NPHP4: variants seen among roughly 807,000 people sequenced by gnomAD.
NPHP4 encodes the protein nephrocystin-4.
In NPHP4, 151 loss-of-function variants were observed where a neutral mutation model predicts 155.8. The observed-to-expected ratio is 0.97, with a 90% CI of 0.85 to 1.11. The LOEUF (loss-of-function observed/expected upper bound fraction) is 1.11. NPHP4 is among the 50% of genes least tolerant of loss of function. The pLI, the probability that NPHP4 is intolerant of heterozygous loss-of-function variation, is 0.00. For missense variants in NPHP4, 1,956 were observed against 1,925.7 expected (o/e 1.02, Z -0.29); for synonymous variants, 845 against 816.8 (o/e 1.03, Z -0.59).
At position 5,887,304 on chromosome 1, in the gene NPHP4, G is replaced by C; in HGVS notation, c.2467C>G (p.Leu823Val). ...CTCTTACCCACGTTGGCCAAAGTCA[G>C]GTGCAGCCGGCCCTTCACCACCGAG... ...VHSVVKGRLH[L>V]TLANVGHPCE... Residue 823 changes from leucine to valine, a missense_variant, in exon 18 of 30, where the codon CTG (leucine) becomes GTG (valine). Physicochemically the swap from Leu to Val is conservative, Grantham distance 32. Coordinates refer to ENST00000378156, the MANE Select transcript of NPHP4 (RefSeq NM_015102.5). 6.2e-7 allele frequency: 1 copy of C among 1,613,180 alleles called. No homozygotes were observed. Among genetic ancestry groups the C allele is most frequent in the South Asian group, 1.1e-5 (1 of 91,022 alleles).
At position 5,874,456 on chromosome 1, in the gene NPHP4, G is replaced by T; in HGVS notation, c.3231+15C>A. 8 of 1,508,444 alleles carry T rather than the reference G, an allele frequency of 5.3e-6. No individual in the cohort carries two copies. Among genetic ancestry groups the T allele is most frequent in the Non-Finnish European group, 6.2e-6 (7 of 1,125,156 alleles). 93.4% of individuals were successfully genotyped at this position (1,508,444 alleles called of 1,614,324 possible). On this transcript the variant is annotated intron_variant, in intron 22 of 29. Coordinates refer to ENST00000378156, the MANE Select transcript of NPHP4 (RefSeq NM_015102.5). The stretch of plus-strand genomic sequence containing the variant: ...TCAGCCAAATGCAACTTCCCTGTGT[G>T]CCTGACACCCGCACCTGCACCATGG...
At chr1:5,868,137 C>T in intron 23 of NPHP4, 1 of 648,440 alleles carries the variant, frequency 1.5e-6, no homozygotes, top group East Asian at 2.9e-5. Flanking sequence ...CCCAAGCAGC[C>T]ACACTGCCAT....
chr1:5,948,084 G>C lies in NPHP4; in HGVS notation c.978C>G (p.Ser326=). 2 of 1,613,600 alleles carry C rather than the reference G, an allele frequency of 1.2e-6. No homozygotes were observed. Among genetic ancestry groups the C allele is most frequent in the African/African-American group, 2.7e-5 (2 of 75,030 alleles). ...RSASFSRKVV[S]SSKTSSGSQA... ...AGAGACAATACCTGGTCTTGGAAGA[G>C]GAGACCACTTTCCTGCTGAAGCTAG... Residue 326 remains serine (S), a synonymous_variant, in exon 8 of 30, where the codon TCC becomes TCG. Transcript: ENST00000378156.
rs1344961729 is a variant in NPHP4 at position 5,892,163 on chromosome 1, C to T, written c.2144-1135G>A. The stretch of plus-strand genomic sequence containing the variant: ...CCTCAGAGGTGACCAGCCACACAGC[C>T]CCCACCCCTGCCTGGACTGTGGCAT... On this transcript the variant is annotated intron_variant, in intron 16 of 29. Coordinates refer to ENST00000378156, the MANE Select transcript of NPHP4 (RefSeq NM_015102.5). The surrounding 1 kb of genome is among the most constrained non-coding windows in gnomAD (Gnocchi z 4.5). 6.6e-6 allele frequency among the ~76,000 whole-genome samples: 1 copy of T among 152,192 alleles called. No individual in the cohort carries two copies. The highest frequency in any genetic ancestry group is 1.5e-5 in the Non-Finnish European group (1 of 68,012).
intron 2 of NPHP4, among the ~76,000 whole-genome samples, chr1:5,982,319 A>G (rs1654841944): frequency 6.6e-6 from 1 of 152,138 alleles, no homozygotes; most frequent in Admixed American, 6.5e-5. Flanking sequence ...TGTTTGATAT[A>G]CCGTTGTGTT....
Position 5,910,063 on chromosome 1 carries a change from C to T in NPHP4, c.1442-850G>A, listed in dbSNP as rs999581368. 9.2e-5 allele frequency among the ~76,000 whole-genome samples: 14 copies of T among 152,348 alleles called. No homozygotes were observed. The highest frequency in any genetic ancestry group is 2.6e-4 in the African/African-American group (11 of 41,578). On this transcript the variant is annotated intron_variant, in intron 11 of 29. Transcript: ENST00000378156. This position sits in a 1 kb window ranked among gnomAD's most constrained non-coding sequence, Gnocchi z 5.4. ...GAAACCCACCAGGCTCCTGCCACAG[C>T]GGTGCTGGAGCGTCCATAGCCACTC...
intron 11 of NPHP4, among the ~76,000 whole-genome samples, chr1:5,912,624 C>T (rs1645248953): frequency 6.6e-6 from 1 of 151,802 alleles, no homozygotes; most frequent in Non-Finnish European, 1.5e-5. Context: ...CTCGTGGTAA[C>T]CACACCCATG....
intron 16 of NPHP4, among the ~76,000 whole-genome samples, chr1:5,898,767 C>G (rs1644523350): frequency 6.6e-6 from 1 of 152,202 alleles, no homozygotes; most frequent in African/African-American, 2.4e-5. Context: ...GGGGCCAGTG[C>G]TTTAAAATCT....
intron 9 of NPHP4, among the ~76,000 whole-genome samples, chr1:5,942,974 A>G (rs1297434122): frequency 6.6e-6 from 1 of 152,198 alleles, no homozygotes; most frequent in Admixed American, 6.5e-5. Flanking sequence ...TTTCATGCTC[A>G]TGTTACAGGG....
intron 3 of NPHP4, among the ~76,000 whole-genome samples, chr1:5,970,503 A>C (rs1177226497): frequency 6.6e-6 from 1 of 152,150 alleles, no homozygotes; most frequent in Non-Finnish European, 1.5e-5. Flanking sequence ...ACTTTGTCTA[A>C]TAAAAAGAAA....
chr1:5,932,120 A>C (rs977904688), intron 10 of NPHP4, among the ~76,000 whole-genome samples: 8 of 152,102 alleles, frequency 5.3e-5, no homozygotes, highest in African/African-American at 1.9e-4. Flanking sequence ...AGAACATTGT[A>C]ATCTTTTTGC....
intron 7 of NPHP4, among the ~76,000 whole-genome samples, chr1:5,949,614 T>C (rs1647546899): frequency 6.6e-6 from 1 of 151,868 alleles, no homozygotes; most frequent in Non-Finnish European, 1.5e-5. Flanking sequence ...GGAGACACGG[T>C]GGCAAGGGCG....
Position 5,937,319 on chromosome 1 carries a change from G to A in NPHP4, c.1120-3990C>T, listed in dbSNP as rs572064094. Among the ~76,000 whole-genome samples, 9 of 152,346 alleles carry A rather than the reference G, an allele frequency of 5.9e-5. 1 individual carries two copies. The highest frequency in any genetic ancestry group is 3.4e-3 in the Middle Eastern group (1 of 294). On this transcript the variant is annotated intron_variant, in intron 9 of 29. Transcript: ENST00000378156. ...ATTGTGGACCTGTGGCCTCAGAGCTGTGAGAGCACACATTTCCGCTGCTTT... is the reference window on the plus strand; with the variant it reads ...ATTGTGGACCTGTGGCCTCAGAGCTATGAGAGCACACATTTCCGCTGCTTT...
chr1:5,889,953 CG>C lies in NPHP4; in HGVS notation c.2304+914del, dbSNP rs1452940141. On this transcript the variant is annotated intron_variant, in intron 17 of 29. Coordinates refer to ENST00000378156, the MANE Select transcript of NPHP4 (RefSeq NM_015102.5). The surrounding 1 kb of genome is among the most constrained non-coding windows in gnomAD (Gnocchi z 4.2). ...ATGGAGCCTGGATCAGTCGGTCACA[CG>C]GGGAGCCAAGAGCAGACCATGCCTC... Among the ~76,000 whole-genome samples, 1 of 152,312 alleles carries C rather than the reference CG, an allele frequency of 6.6e-6. No homozygotes were observed. Among genetic ancestry groups the C allele is most frequent in the East Asian group, 1.9e-4 (1 of 5,174 alleles).
At chr1:5,974,189 C>G (rs1345344472) in intron 3 of NPHP4, among the ~76,000 whole-genome samples, 1 of 152,218 alleles carries the variant, frequency 6.6e-6, no homozygotes, top group African/African-American at 2.4e-5. Flanking sequence ...TTTCTCATGG[C>G]TGTGATGACG....
intron 23 of NPHP4, among the ~76,000 whole-genome samples, chr1:5,870,005 G>C (rs1042456752): frequency 6.6e-6 from 1 of 152,242 alleles, no homozygotes; most frequent in Non-Finnish European, 1.5e-5. Context: ...CACATATTGT[G>C]TATGTATGTA....
intron 9 of NPHP4, among the ~76,000 whole-genome samples, chr1:5,938,982 C>T (rs1646688428): frequency 6.6e-6 from 1 of 152,030 alleles, no homozygotes; most frequent in African/African-American, 2.4e-5. Context: ...ATGGAAATAC[C>T]ACTACTAAAA....
chr1:5,922,462 A>C (rs1016923677), intron 11 of NPHP4, among the ~76,000 whole-genome samples: 2 of 152,228 alleles, frequency 1.3e-5, no homozygotes, highest in Non-Finnish European at 2.9e-5. Flanking sequence ...TAGAAATTAG[A>C]ACATTACAGT....
intron 19 of NPHP4, among the ~76,000 whole-genome samples, chr1:5,877,624 A>G (rs1642755959): frequency 6.6e-6 from 1 of 152,172 alleles, no homozygotes; most frequent in Non-Finnish European, 1.5e-5. Flanking sequence ...TGCTCTCGGG[A>G]TCTTAAAGGG....
Sources: gnomAD v4.1 joint callset for allele counts (sites outside exome capture counted in the v4.1 genomes callset) on GRCh38, gnomAD v4.1.1 for gene constraint, Gnocchi (gnomAD v3.1) non-coding constraint, MANE v1.5 for transcripts, NCBI Gene and HGNC (gene_info 2026-07-23, HGNC 2026-07-21) for gene names.